The following CCAR1 variants were observed in gnomAD, a reference collection of about 807,000 sequenced individuals.
CCAR1 encodes the protein cell division cycle and apoptosis regulator 1.
Under a neutral mutation model 163.8 loss-of-function variants are expected in CCAR1, and 78 were observed. The observed-to-expected ratio is 0.48, with a 90% CI of 0.40 to 0.57. The LOEUF is 0.57. Among genes scored for constraint, CCAR1 ranks in the 20% least tolerant of loss-of-function variants. The pLI is 0.00. For synonymous variants in CCAR1, 443 were observed against 460.7 expected (o/e 0.96, Z 0.49); for missense variants, 1,019 against 1,365.2 (o/e 0.75, Z 4.00).
chr10:68,779,703 G>C (rs2056712044), intron 19 of CCAR1, among the ~76,000 whole-genome samples: 1 of 152,180 alleles, frequency 6.6e-6, no homozygotes, highest in African/African-American at 2.4e-5. Context: ...ATTTGGAAAT[G>C]TGAATTAGCC....
At chr10:68,745,967 A>G (rs1266918542) in intron 6 of CCAR1, among the ~76,000 whole-genome samples, 1 of 151,674 alleles carries the variant, frequency 6.6e-6, no homozygotes, top group African/African-American at 2.4e-5. Flanking sequence ...TTATTTTTAA[A>G]TTTTTTATTT....
chr10:68,768,134 G>A (rs1216331785), intron 17 of CCAR1, among the ~76,000 whole-genome samples: 1 of 152,138 alleles, frequency 6.6e-6, no homozygotes, highest in Non-Finnish European at 1.5e-5. Flanking sequence ...AGGATGACTA[G>A]AGACCTTTGA....
intron 19 of CCAR1, among the ~76,000 whole-genome samples, chr10:68,785,213 G>A (rs533109328): frequency 4.0e-5 from 6 of 151,408 alleles, no homozygotes; most frequent in South Asian, 4.2e-4. Flanking sequence ...CACCGCACCC[G>A]GCCCTATAAC....
In CCAR1 at chr10:68,766,097, A is replaced by T. The variant is rs781684061; in HGVS notation, c.2298+18A>T. 1.0e-5 allele frequency: 15 copies of T among 1,504,406 alleles called. No homozygotes were observed. Among genetic ancestry groups the T allele is most frequent in the Non-Finnish European group, 1.4e-5 (15 of 1,081,460 alleles). 93.2% of individuals were successfully genotyped at this position (1,504,406 alleles called of 1,614,324 possible). A position where few individuals can be genotyped will look rare whatever the true frequency, so the allele number is the denominator to read the frequency against. ...CATTTGAGGTAATGTTTTAAGTTTG[A>T]AATAAGATCCATATAAGGTCCACAC... On this transcript the variant is annotated intron_variant, in intron 17 of 24. Coordinates refer to ENST00000265872, the MANE Select transcript of CCAR1 (RefSeq NM_018237.4).
Position 68,765,972 on chromosome 10 carries a change from G to A in CCAR1, c.2191G>A (p.Val731Ile), listed in dbSNP as rs1202397152. The change falls in exon 17 of 25, where the codon GTA becomes ATA. Residue 731 changes from valine (V) to isoleucine (I), a missense_variant. By Grantham distance (29) the Val-to-Ile change is conservative. Around this residue, in one of 4 missense-constraint regions of CCAR1, gnomAD observed 644 missense variants for 904.4 expected, o/e 0.71. Coordinates refer to ENST00000265872, the MANE Select transcript of CCAR1 (RefSeq NM_018237.4). ...YILPDEPAII[V>I]HPNWAAKSGK... ...TTTGCCTGATGAACCGGCCATCATT[G>A]TACATCCAAATTGGGCTGCAAAAAG... The A allele has an allele frequency of 2.5e-6, 4 of 1,613,910 alleles. No homozygotes were observed. The highest frequency in any genetic ancestry group is 3.4e-6 in the Non-Finnish European group (4 of 1,179,932).
At chr10:68,726,418 T>A (rs1010669042) in intron 2 of CCAR1, among the ~76,000 whole-genome samples, 2 of 152,080 alleles carry the variant, frequency 1.3e-5, no homozygotes, top group African/African-American at 4.8e-5. Context: ...CCCAAAGTGC[T>A]GGGATTACAG....
In CCAR1 at chr10:68,762,739, CTTTTTTAAATTTTTTATT is replaced by C. The variant is rs567864583; in HGVS notation, c.2106+1563_2106+1580del. Among the ~76,000 whole-genome samples, 8 of 152,012 alleles carry C rather than the reference CTTTTTTAAATTTTTTATT, an allele frequency of 5.3e-5. No individual in the cohort carries two copies. In the South Asian group the frequency reaches 1.2e-3, roughly 24 times the overall value. On this transcript the variant is annotated intron_variant, in intron 16 of 24. Transcript: ENST00000265872. ...AGATAAATCTAGAATGTGAAATTTT[CTTTTTTAAATTTTTTATT>C]TTTTTTAAATTTTTTTAGAATGTGA...
chr10:68,775,243 C>T (rs2056649527), intron 19 of CCAR1, among the ~76,000 whole-genome samples: 1 of 152,108 alleles, frequency 6.6e-6, no homozygotes, highest in Middle Eastern at 3.4e-3. Flanking sequence ...AAAATAAGGT[C>T]GTAATAGCAT....
chr10:68,764,102 A>G (rs2056507777), intron 16 of CCAR1, among the ~76,000 whole-genome samples: 1 of 152,208 alleles, frequency 6.6e-6, no homozygotes, highest in African/African-American at 2.4e-5. Flanking sequence ...ATTTATTTCT[A>G]TATCTTACAC....
chr10:68,789,407 C>A (rs1401126434), intron 23 of CCAR1, among the ~76,000 whole-genome samples: 7 of 151,728 alleles, frequency 4.6e-5, no homozygotes, highest in Non-Finnish European at 4.4e-5. Flanking sequence ...GCCTGACCAA[C>A]ATGGTGAAAC....
chr10:68,736,426 A>G (rs2056111744), intron 2 of CCAR1, among the ~76,000 whole-genome samples: 1 of 152,176 alleles, frequency 6.6e-6, no homozygotes, highest in South Asian at 2.1e-4. Context: ...AACGTGATGT[A>G]CAATGGGTAT....
intron 3 of CCAR1, 42 bp downstream of exon 3, chr10:68,737,090 T>C: frequency 6.9e-7 from 1 of 1,445,412 alleles, no homozygotes; most frequent in Non-Finnish European, 9.6e-7. Context: ...TAGAAAACTT[T>C]ATGAAATCTG....
intron 19 of CCAR1, among the ~76,000 whole-genome samples, chr10:68,778,602 C>T (rs1156555228): frequency 6.6e-6 from 1 of 152,012 alleles, no homozygotes; most frequent in Non-Finnish European, 1.5e-5. Flanking sequence ...GCCTGTCTCC[C>T]TCTACCCCTA....
chr10:68,743,301 A>G (rs1362932741), intron 6 of CCAR1, among the ~76,000 whole-genome samples: 2 of 150,530 alleles, frequency 1.3e-5, no homozygotes, highest in African/African-American at 2.4e-5. Flanking sequence ...GGTTCAAGCA[A>G]TTCTCATGCC....
chr10:68,779,342 C>G (rs185391635), intron 19 of CCAR1, among the ~76,000 whole-genome samples: 1 of 151,910 alleles, frequency 6.6e-6, no homozygotes, highest in Admixed American at 6.6e-5. Context: ...ACTACAACCC[C>G]TGTCTCCCAG....
intron 2 of CCAR1, among the ~76,000 whole-genome samples, chr10:68,725,110 C>T (rs908954011): frequency 6.6e-6 from 1 of 151,346 alleles, no homozygotes; most frequent in African/African-American, 2.4e-5. Flanking sequence ...CCATTGCGCT[C>T]TAGCCTGGGC....
intron 2 of CCAR1, among the ~76,000 whole-genome samples, chr10:68,723,570 C>T (rs1020759929): frequency 2.6e-5 from 4 of 151,374 alleles, no homozygotes; most frequent in Non-Finnish European, 5.9e-5. Flanking sequence ...GTAAATGGGC[C>T]GGGCGCGGTG....
At position 68,754,153 on chromosome 10, in the gene CCAR1, T is replaced by C; in HGVS notation, c.1344+76T>C. ...AATAAAAGGGTATGTAGAATTATCC[T>C]TCAGAAAGTGTTTGTTAGGTAGACC... On this transcript the variant is annotated intron_variant, in intron 11 of 24. Transcript: ENST00000265872. 3 of 1,040,456 alleles carry C rather than the reference T, an allele frequency of 2.9e-6. No individual in the cohort carries two copies. In the South Asian group the frequency reaches 4.6e-5, roughly 16 times the overall value. 64.5% of individuals were successfully genotyped at this position (1,040,456 alleles called of 1,614,324 possible).
intron 24 of CCAR1, among the ~76,000 whole-genome samples, chr10:68,790,354 T>TAAAAA (rs530271339): frequency 7.3e-6 from 1 of 136,148 alleles, no homozygotes; most frequent in Non-Finnish European, 1.6e-5. Flanking sequence ...GACCCCATCT[T>TAAAAA]AAAAAAAAAA....
Sources: gnomAD v4.1 joint callset for allele counts (sites outside exome capture counted in the v4.1 genomes callset) on GRCh38, gnomAD v4.1.1 for gene constraint, gnomAD v4.1.1 regional missense constraint, MANE v1.5 for transcripts, NCBI Gene and HGNC (gene_info 2026-07-23, HGNC 2026-07-21) for gene names.